OSBP: variants seen among roughly 807,000 people sequenced by gnomAD.
OSBP encodes the protein oxysterol binding protein, also known as oxysterol-binding protein 1.
A neutral mutation model predicts 96.6 loss-of-function variants in OSBP; 32 were observed. The ratio of observed to expected loss-of-function variants is 0.33; its 90% CI spans 0.25 to 0.45. OSBP has a LOEUF of 0.45. Ranked by LOEUF, OSBP falls within the 20% of genes least tolerant of loss-of-function variation. OSBP has a pLI of 1.00. For missense variants in OSBP, 653 were observed against 1,029.7 expected (o/e 0.63, Z 5.01); for synonymous variants, 369 against 389.6 (o/e 0.95, Z 0.62).
At chr11:59,586,987 CA>C (rs971335110) in intron 9 of OSBP, among the ~76,000 whole-genome samples, 1 of 151,884 alleles carries the variant, frequency 6.6e-6, no homozygotes, top group Non-Finnish European at 1.5e-5. Flanking sequence ...GCTATGACAC[CA>C]AAAGCAGATG....
intron 7 of OSBP, among the ~76,000 whole-genome samples, chr11:59,598,379 T>C (rs1300487730): frequency 2.0e-5 from 3 of 152,190 alleles, no homozygotes; most frequent in Admixed American, 1.3e-4. Flanking sequence ...GCTTAGTAGC[T>C]GGCTGTGGAC....
chr11:59,598,398 T>C (rs1860682913), intron 7 of OSBP, among the ~76,000 whole-genome samples: 3 of 152,144 alleles, frequency 2.0e-5, no homozygotes, highest in Admixed American at 1.3e-4. Flanking sequence ...ACAAAACCTG[T>C]AGCCACTCGC....
intron 3 of OSBP, among the ~76,000 whole-genome samples, chr11:59,603,960 G>C (rs921140564): frequency 8.5e-5 from 13 of 152,102 alleles, no homozygotes; most frequent in Non-Finnish European, 1.5e-4. Context: ...CAGTTATCAA[G>C]TCCTATTGAT....
At position 59,596,264 on chromosome 11, in the gene OSBP, C is replaced by T. The variant is rs550802630; in HGVS notation, c.1312-2009G>A. 2.0e-5 allele frequency among the ~76,000 whole-genome samples: 3 copies of T among 152,168 alleles called. No individual in the cohort carries two copies. In the South Asian group the frequency reaches 6.2e-4, roughly 32 times the overall value. On this transcript the variant is annotated intron_variant, in intron 7 of 13. Transcript: ENST00000263847. ...TTAAAGAGGGCACTTATTAACTACA[C>T]CCAATAAAATCTGTCCGTGGCAGAA... is the stretch of plus-strand genomic sequence containing the variant.
chr11:59,579,797 C>G (rs2134651228), intron 11 of OSBP, among the ~76,000 whole-genome samples: 1 of 151,616 alleles, frequency 6.6e-6, no homozygotes, highest in Middle Eastern at 3.4e-3. Context: ...CTCACTGCAG[C>G]CTCTGCCTCC....
At position 59,600,893 on chromosome 11, in the gene OSBP, AG is replaced by A. The variant is rs1356478701; in HGVS notation, c.1125-21del. The A allele has an allele frequency of 6.2e-7, 1 of 1,608,290 alleles. No homozygotes were observed. Among genetic ancestry groups the A allele is most frequent in the Non-Finnish European group, 8.5e-7 (1 of 1,174,872 alleles). On this transcript the variant is annotated intron_variant, in intron 5 of 13. Coordinates refer to ENST00000263847, the MANE Select transcript of OSBP (RefSeq NM_002556.3). Reference sequence around the variant, plus strand: ...GTACGTCTGTACAGATGGGAAACACAGGAGAATTAGAACAAAGACCAGAACT... The same window carrying A: ...GTACGTCTGTACAGATGGGAAACACAGAGAATTAGAACAAAGACCAGAACT...
In OSBP at chr11:59,574,516, G is replaced by C. The variant is rs908454670; in HGVS notation, c.*2061C>G. ...GTTTTCATGTGACTTTATTCCACCT[G>C]AAAGATTCTAAACTTCTTCCATTAG... On this transcript the variant is annotated 3_prime_UTR_variant, in exon 14 of 14. Transcript: ENST00000263847. The C allele has an allele frequency of 6.6e-6, 1 of 151,898 alleles. No individual in the cohort carries two copies. Among genetic ancestry groups the C allele is most frequent in the Admixed American group, 6.6e-5 (1 of 15,190 alleles). 9.4% of individuals were successfully genotyped at this position (151,898 alleles called of 1,614,324 possible).
At chr11:59,609,488 A>G (rs1860819510) in intron 2 of OSBP, among the ~76,000 whole-genome samples, 1 of 151,824 alleles carries the variant, frequency 6.6e-6, no homozygotes, top group African/African-American at 2.4e-5. Flanking sequence ...AAAGCAAGAA[A>G]AAAAAAAAAA....
rs771917341 is a variant in OSBP at position 59,575,825 on chromosome 11, A to C, written c.*752T>G. On this transcript the variant is annotated 3_prime_UTR_variant, in exon 14 of 14. Transcript: ENST00000263847. ...TTCTCAGAAGCTCTCCGCCTGAGGA[A>C]GTCCATAAAACCCCTTTGTGAGGAG... 3.9e-5 allele frequency: 6 copies of C among 152,208 alleles called. No individual in the cohort carries two copies. The highest frequency in any genetic ancestry group is 5.9e-5 in the Non-Finnish European group (4 of 68,052). The allele number at this position is 152,208 out of a possible 1,614,324, so 9.4% of individuals were successfully genotyped here.
In OSBP at chr11:59,600,834, G is replaced by T; in HGVS notation, c.1164C>A (p.Ile388=). ...TAAGAATTACCTGTTCATCAAGGCT[G>T]ATGTCACTGCTGGCTCCACTGATAT... The part of the protein sequence containing the change: ...GSNISGASSD[I]SLDEQYKHQL... The change falls in exon 6 of 14, where the codon ATC becomes ATA. Residue 388 remains isoleucine (I), a synonymous_variant. Transcript: ENST00000263847. The T allele has an allele frequency of 6.2e-7, 1 of 1,613,566 alleles. No individual in the cohort carries two copies. Among genetic ancestry groups the T allele is most frequent in the Non-Finnish European group, 8.5e-7 (1 of 1,179,666 alleles).
chr11:59,588,231 G>C (rs1378899983), intron 9 of OSBP, among the ~76,000 whole-genome samples: 1 of 152,134 alleles, frequency 6.6e-6, no homozygotes, highest in East Asian at 1.9e-4. Context: ...TTTGGGGAGG[G>C]AGAATAGAAA....
rs1565112171 is a variant in OSBP at position 59,574,827 on chromosome 11, T to C, written c.*1750A>G. ...TAGGGGAAGAAATAAAAGTATTAAT[T>C]TACCCAGTAAAACCAATTTCCCCAT... On this transcript the variant is annotated 3_prime_UTR_variant, in exon 14 of 14. Transcript: ENST00000263847. 6.6e-6 allele frequency: 1 copy of C among 152,600 alleles called. No individual in the cohort carries two copies. The highest frequency in any genetic ancestry group is 1.5e-5 in the Non-Finnish European group (1 of 68,032). The allele number at this position is 152,600 out of a possible 1,614,324, so 9.5% of individuals were successfully genotyped here.
chr11:59,601,744 TC>T lies in OSBP; in HGVS notation c.916del (p.Glu306LysfsTer45). On this transcript the variant is annotated frameshift_variant, in exon 4 of 14. Coordinates refer to ENST00000263847, the MANE Select transcript of OSBP (RefSeq NM_002556.3). LOFTEE classifies it high-confidence loss of function. ...CTGCTTCGCCAGCTGCTCGAGGGTT[TC>T]TTCCAGTCGGATACGCTGGTCTCTT... Reference protein sequence around the residue: ...YERDQRIRLEETLEQLAKQHN... With the variant: ...YERDQRIRLEXTLEQLAKQHN... 1 of 1,614,214 alleles carries T rather than the reference TC, an allele frequency of 6.2e-7. No individual in the cohort carries two copies. Among genetic ancestry groups the T allele is most frequent in the Non-Finnish European group, 8.5e-7 (1 of 1,180,030 alleles).
chr11:59,599,398 A>G (rs116936920), intron 7 of OSBP, among the ~76,000 whole-genome samples: 2,485 of 152,230 alleles, frequency 0.016, 50 homozygotes, highest in Non-Finnish European at 0.022. Flanking sequence ...CCTGGCTTAA[A>G]CTGATATATT....
intron 3 of OSBP, among the ~76,000 whole-genome samples, chr11:59,603,665 T>C (rs1443366035): frequency 6.6e-6 from 1 of 151,392 alleles, no homozygotes; most frequent in Non-Finnish European, 1.5e-5. Context: ...GCCTCCCAAG[T>C]AGCTGGGACT....
intron 3 of OSBP, 43 bp downstream of exon 3, chr11:59,608,441 A>G (rs780917487): frequency 1.9e-6 from 3 of 1,612,350 alleles, no homozygotes; most frequent in Non-Finnish European, 2.5e-6. Flanking sequence ...TGTTTCAAAG[A>G]GGGAATGAAT....
chr11:59,610,302 G>A, intron 2 of OSBP, 79 bp downstream of exon 2: 1 of 1,177,678 alleles, frequency 8.5e-7, no homozygotes, highest in Admixed American at 1.7e-5. Flanking sequence ...AAATGACACA[G>A]CATAATGATG....
Position 59,580,264 on chromosome 11 carries a change from G to A in OSBP, c.1788C>T (p.Gly596=), listed in dbSNP as rs752983113. Residue 596 remains glycine (G), a synonymous_variant, in exon 11 of 14, where the codon GGC becomes GGT. Transcript: ENST00000263847. ...IVGKLWIDQS[G]EIDIVNHKTG... ...TCTTGTGATTCACAATATCAATTTCGCCAGACTGTAAAATGAAAAAATTCA... is the reference window on the plus strand; with the variant it reads ...TCTTGTGATTCACAATATCAATTTCACCAGACTGTAAAATGAAAAAATTCA... 2.1e-5 allele frequency: 34 copies of A among 1,607,246 alleles called. No homozygotes were observed. In the Admixed American group the frequency reaches 3.2e-4, roughly 15 times the overall value.
At chr11:59,587,837 T>C (rs1278100783) in intron 9 of OSBP, among the ~76,000 whole-genome samples, 1 of 152,222 alleles carries the variant, frequency 6.6e-6, no homozygotes, top group Non-Finnish European at 1.5e-5. Context: ...TGCAAAGAAC[T>C]GAAAGCAGGG....
Sources: gnomAD v4.1 joint callset for allele counts (sites outside exome capture counted in the v4.1 genomes callset) on GRCh38, gnomAD v4.1.1 for gene constraint, MANE v1.5 for transcripts, NCBI Gene and HGNC (gene_info 2026-07-23, HGNC 2026-07-21) for gene names.